LRRC4C: variants seen among roughly 807,000 people sequenced by gnomAD.
LRRC4C encodes leucine-rich repeat-containing protein 4C.
A neutral mutation model predicts 33.6 loss-of-function variants in LRRC4C; 5 were observed. The observed-to-expected ratio is 0.15, with a 90% confidence interval of 0.08 to 0.31. LRRC4C has a LOEUF of 0.31. Ranked by LOEUF, LRRC4C falls within the 10% of genes least tolerant of loss-of-function variation. LRRC4C has a pLI of 1.00. For synonymous variants in LRRC4C, 329 were observed against 302.0 expected (o/e 1.09, Z -0.93); for missense variants, 560 against 796.7 (o/e 0.70, Z 3.58).
At chr11:40,165,539 A>AT (rs1459162547) in intron 5 of LRRC4C, among the ~76,000 whole-genome samples, 1 of 152,208 alleles carries the variant, frequency 6.6e-6, no homozygotes, top group Non-Finnish European at 1.5e-5. Context: ...AAATCCACTG[A>AT]TTTTGGACTC....
intron 1 of LRRC4C, among the ~76,000 whole-genome samples, chr11:41,046,082 C>G (rs1411781519): frequency 6.6e-6 from 1 of 152,102 alleles, no homozygotes; most frequent in African/African-American, 2.4e-5. Flanking sequence ...GCCATATTTT[C>G]CATTTGCATC....
At chr11:40,182,324 AT>A (rs1345217940) in intron 5 of LRRC4C, among the ~76,000 whole-genome samples, 1 of 152,164 alleles carries the variant, frequency 6.6e-6, no homozygotes, top group Non-Finnish European at 1.5e-5. Context: ...ACTCCCAGAT[AT>A]AAACCTCACA....
At chr11:40,187,669 G>A (rs1861514101) in intron 5 of LRRC4C, among the ~76,000 whole-genome samples, 1 of 152,106 alleles carries the variant, frequency 6.6e-6, no homozygotes, top group Admixed American at 6.5e-5. Flanking sequence ...TAGATGTTCT[G>A]ATCATTTTTC....
chr11:40,867,966 T>G (rs1008689195), intron 2 of LRRC4C, among the ~76,000 whole-genome samples: 1 of 152,128 alleles, frequency 6.6e-6, no homozygotes, highest in Admixed American at 6.6e-5. Flanking sequence ...TGAATGAAAC[T>G]CATGTTAGCT....
At chr11:41,281,342 T>G (rs1315774771) in intron 1 of LRRC4C, among the ~76,000 whole-genome samples, 1 of 152,164 alleles carries the variant, frequency 6.6e-6, no homozygotes, top group Non-Finnish European at 1.5e-5. Flanking sequence ...TCATTCATCT[T>G]GCTGCTTTCT....
intron 1 of LRRC4C, among the ~76,000 whole-genome samples, chr11:41,127,228 T>C (rs1302968514): frequency 6.6e-6 from 1 of 151,294 alleles, no homozygotes; most frequent in African/African-American, 2.4e-5. Flanking sequence ...CTCATCTGAA[T>C]AAATTTTCTT....
At chr11:41,211,222 C>G (rs1214208721) in intron 1 of LRRC4C, among the ~76,000 whole-genome samples, 1 of 152,078 alleles carries the variant, frequency 6.6e-6, no homozygotes, top group Admixed American at 6.6e-5. Context: ...ATGAATTACT[C>G]CATGGCAGGG....
chr11:40,871,933 A>G (rs925138810), intron 2 of LRRC4C, among the ~76,000 whole-genome samples: 3 of 152,160 alleles, frequency 2.0e-5, no homozygotes, highest in Admixed American at 2.0e-4. Flanking sequence ...TGTGCCTTCC[A>G]TCTGAAGAAC....
chr11:40,146,007 G>T (rs549208522), intron 5 of LRRC4C, among the ~76,000 whole-genome samples: 12 of 152,254 alleles, frequency 7.9e-5, no homozygotes, highest in African/African-American at 2.9e-4. Context: ...GAGAGAGCAA[G>T]GTATATGGGG....
At chr11:41,298,929 A>G (rs558054814) in intron 1 of LRRC4C, among the ~76,000 whole-genome samples, 1 of 152,262 alleles carries the variant, frequency 6.6e-6, no homozygotes, top group South Asian at 2.1e-4. Context: ...CCTTTAAGAT[A>G]ATGGCTCCCA....
chr11:41,123,283 T>G (rs1433538479), intron 1 of LRRC4C, among the ~76,000 whole-genome samples: 1 of 110,662 alleles, frequency 9.0e-6, no homozygotes, highest in African/African-American at 3.5e-5. Context: ...TTTTTTTTTT[T>G]TTTTTTTGAG....
At chr11:40,727,555 G>A (rs571127387) in intron 2 of LRRC4C, among the ~76,000 whole-genome samples, 259 of 152,104 alleles carry the variant, frequency 1.7e-3, no homozygotes, top group Non-Finnish European at 2.9e-3. Context: ...AGAAAAATTG[G>A]AGCCTAATTA....
chr11:40,282,546 C>T (rs1017146203), intron 4 of LRRC4C, among the ~76,000 whole-genome samples: 4 of 152,004 alleles, frequency 2.6e-5, no homozygotes, highest in Admixed American at 1.3e-4. Flanking sequence ...AGTGCTTTAT[C>T]ATCTGCTATT....
intron 3 of LRRC4C, among the ~76,000 whole-genome samples, chr11:40,396,085 A>T (rs1590600085): frequency 6.6e-6 from 1 of 152,270 alleles, no homozygotes; most frequent in Non-Finnish European, 1.5e-5. Flanking sequence ...ATGCAATGCC[A>T]TGTTTTTATG....
intron 1 of LRRC4C, among the ~76,000 whole-genome samples, chr11:41,002,093 C>T (rs940069977): frequency 1.3e-5 from 2 of 152,062 alleles, no homozygotes; most frequent in Non-Finnish European, 2.9e-5. Context: ...AATTCTTCTT[C>T]GAAACCCCTT....
At chr11:40,767,071 C>CCTA (rs1949509312) in intron 2 of LRRC4C, among the ~76,000 whole-genome samples, 1 of 151,784 alleles carries the variant, frequency 6.6e-6, no homozygotes, top group African/African-American at 2.4e-5. Context: ...TAATCTGTTT[C>CCTA]CTACCGAAAG....
At chr11:41,355,669 A>C (rs1952135526) in intron 1 of LRRC4C, among the ~76,000 whole-genome samples, 1 of 152,098 alleles carries the variant, frequency 6.6e-6, no homozygotes, top group South Asian at 2.1e-4. Flanking sequence ...AATTTAAATA[A>C]ACTAAATATC....
intron 2 of LRRC4C, among the ~76,000 whole-genome samples, chr11:40,786,705 A>G (rs1950423730): frequency 6.6e-6 from 1 of 152,166 alleles, no homozygotes. Context: ...CAACAAGGAA[A>G]AAATTAAAAA....
At position 40,735,327 on chromosome 11, in the gene LRRC4C, A is replaced by G. The variant is rs1219589759; in HGVS notation, c.-406-87049T>C. ...CCCTCCCCACTCCCCCCACCCCACA[A>G]CAGTCCCCAGAGTGTGATGTTCCCC... On this transcript the variant is annotated intron_variant, in intron 2 of 6. Transcript: ENST00000528697. 2.0e-5 allele frequency among the ~76,000 whole-genome samples: 3 copies of G among 149,376 alleles called. No individual in the cohort carries two copies. In the East Asian group the frequency reaches 5.9e-4, roughly 30 times the overall value.
Sources: gnomAD v4.1 joint callset for allele counts (sites outside exome capture counted in the v4.1 genomes callset) on GRCh38, gnomAD v4.1.1 for gene constraint, MANE v1.5 for transcripts, NCBI Gene and HGNC (gene_info 2026-07-23, HGNC 2026-07-21) for gene names.